The following ZNF254 variants were observed in gnomAD, a reference collection of about 807,000 sequenced individuals.
ZNF254 encodes zinc finger protein 254.
Under a neutral mutation model 12.4 loss-of-function variants are expected in ZNF254, and 10 were observed. That is an observed-to-expected ratio of 0.80 (90% confidence interval 0.50 to 1.36). The LOEUF (loss-of-function observed/expected upper bound fraction) is 1.36. ZNF254 is among the 40% of genes most tolerant of loss of function. ZNF254 has a pLI of 0.00. For synonymous variants in ZNF254, 305 were observed against 253.4 expected (o/e 1.20, Z -1.93); for missense variants, 996 against 763.9 (o/e 1.30, Z -3.58).
intron 1 of ZNF254, among the ~76,000 whole-genome samples, chr19:24,042,354 G>T (rs1417477395): frequency 6.6e-6 from 1 of 152,160 alleles, no homozygotes; most frequent in Non-Finnish European, 1.5e-5. Context: ...CCAGATAAGA[G>T]AATAAAAGCA....
intron 2 of ZNF254, among the ~76,000 whole-genome samples, chr19:24,069,472 T>G (rs965982974): frequency 6.7e-6 from 1 of 149,060 alleles, no homozygotes; most frequent in African/African-American, 2.5e-5. Context: ...CCAGGCGTGG[T>G]GGCGGGTGTC....
intron 3 of ZNF254, among the ~76,000 whole-genome samples, chr19:24,110,131 G>A (rs1436106843): frequency 6.6e-6 from 1 of 151,998 alleles, no homozygotes; most frequent in Non-Finnish European, 1.5e-5. Context: ...TATTTTCTTT[G>A]TGTGAGAAAA....
chr19:24,084,066 C>T (rs1971941550), upstream of ZNF254, among the ~76,000 whole-genome samples: 1 of 150,628 alleles, frequency 6.6e-6, no homozygotes, highest in African/African-American at 2.4e-5. Context: ...TTTGCAATTG[C>T]AAAAGAATGG....
chr19:24,077,045 C>G (rs1183401830), intron 2 of ZNF254, among the ~76,000 whole-genome samples: 2 of 152,304 alleles, frequency 1.3e-5, no homozygotes, highest in Middle Eastern at 6.8e-3. Flanking sequence ...GAGACAAATG[C>G]AGATCTGTTT....
chr19:24,059,709 C>T (rs1970998682), intron 2 of ZNF254, among the ~76,000 whole-genome samples: 1 of 152,188 alleles, frequency 6.6e-6, no homozygotes, highest in Non-Finnish European at 1.5e-5. Flanking sequence ...GATGATGTTT[C>T]TTTTCTTTCA....
rs1304110961 is a variant in ZNF254, at chr19:24,040,177, C to T, written c.-189-6007C>T. On this transcript the variant is annotated intron_variant, in intron 1 of 4. Transcript: ENST00000613065. The stretch of plus-strand genomic sequence containing the variant: ...AGGTCTGGCCCCACCCTGAAATCTC[C>T]CCTCACAGAACTAATTAGAACTAAT... 2.6e-5 allele frequency among the ~76,000 whole-genome samples: 4 copies of T among 152,134 alleles called. No individual in the cohort carries two copies. In the South Asian group the frequency reaches 8.3e-4, roughly 32 times the overall value.
intron 3 of ZNF254, among the ~76,000 whole-genome samples, chr19:24,113,558 C>A (rs533598805): frequency 1.2e-4 from 19 of 152,110 alleles, no homozygotes; most frequent in South Asian, 2.1e-4. Flanking sequence ...GCTATCTATG[C>A]CAAACCCACA....
chr19:24,127,600 A>G lies in ZNF254; in HGVS notation c.1600A>G (p.Thr534Ala), dbSNP rs754841747. 1.2e-6 allele frequency: 2 copies of G among 1,608,140 alleles called. No homozygotes were observed. The highest frequency in any genetic ancestry group is 2.3e-5 in the East Asian group (1 of 44,248). Residue 534 changes from threonine to alanine, a missense_variant, in exon 4 of 4, where the codon ACT becomes GCT. Coordinates refer to ENST00000357002, the MANE Select transcript of ZNF254 (RefSeq NM_203282.4). ...GKAFNWSSTL[T>A]KHKIIHTEEK... The stretch of plus-strand genomic sequence containing the variant: ...AGCCTTTAACTGGTCCTCAACTCTT[A>G]CTAAACATAAGATAATTCATACTGA...
At position 24,127,739 on chromosome 19, in the gene ZNF254, G is replaced by A. The variant is rs1002089714; in HGVS notation, c.1739G>A (p.Gly580Asp). The A allele has an allele frequency of 2.5e-6, 4 of 1,612,692 alleles. No homozygotes were observed. The highest frequency in any genetic ancestry group is 1.3e-5 in the African/African-American group (1 of 74,920). ...AAACCCTATAAATGTGAAGAATGTG[G>A]CAAATCTTTTAACCGGTCTTCAACT... ...GEKPYKCEEC[G>D]KSFNRSSTFT... Residue 580 changes from glycine (G) to aspartate (D), a missense_variant, in exon 4 of 4, where the codon GGC becomes GAC. Coordinates refer to ENST00000357002, the MANE Select transcript of ZNF254 (RefSeq NM_203282.4).
chr19:24,034,382 T>A (rs904276661), intron 1 of ZNF254, among the ~76,000 whole-genome samples: 5 of 151,870 alleles, frequency 3.3e-5, no homozygotes, highest in Non-Finnish European at 7.4e-5. Flanking sequence ...GCAGTTGGGG[T>A]TGGCACAAAA....
intron 2 of ZNF254, among the ~76,000 whole-genome samples, chr19:24,061,873 C>T (rs181662911): frequency 2.3e-4 from 35 of 152,168 alleles, no homozygotes; most frequent in Admixed American, 7.2e-4. Context: ...CACCTGATGT[C>T]GGGAGTTCAA....
chr19:24,112,406 T>A (rs1973742691), intron 3 of ZNF254, among the ~76,000 whole-genome samples: 1 of 146,826 alleles, frequency 6.8e-6, no homozygotes, highest in South Asian at 2.1e-4. Flanking sequence ...TTTGTTCTTT[T>A]GGCTTAGGAG....
At chr19:24,034,522 G>C (rs1183301904) in intron 1 of ZNF254, among the ~76,000 whole-genome samples, 3 of 119,218 alleles carry the variant, frequency 2.5e-5, no homozygotes, top group Non-Finnish European at 4.9e-5. Context: ...TTTTGTGCCA[G>C]AGTCTCATTC....
Position 24,046,373 on chromosome 19 carries a change from T to TTTTATATATATATATA in ZNF254, c.-94+95_-94+96insTTATATATATATATAT, listed in dbSNP as rs1555750840. ...TTGTCTTCCATTATTTTATTATTTT[T>TTTTATATATATATATA]TATATATATATATATATATATATAT... On this transcript the variant is annotated intron_variant, in intron 2 of 4. Coordinates refer to the ZNF254 transcript ENST00000613065. The TTTTATATATATATATA allele has an allele frequency of 1.9e-4, 18 of 95,490 alleles. No homozygotes were observed. In the South Asian group the frequency reaches 2.0e-3, roughly 11 times the overall value. The allele number at this position is 95,490 out of a possible 1,614,324, so 5.9% of individuals were successfully genotyped here.
intron 2 of ZNF254, among the ~76,000 whole-genome samples, chr19:24,055,512 C>T (rs539721200): frequency 6.6e-6 from 1 of 152,084 alleles, no homozygotes; most frequent in Admixed American, 6.6e-5. Context: ...CTCCTGACCT[C>T]GTGATCCACC....
rs117033235 is a variant in ZNF254, at chr19:24,095,241, T to G, written c.30+7904T>G. 2.9e-3 allele frequency among the ~76,000 whole-genome samples: 440 copies of G among 152,350 alleles called. 13 individuals are homozygous for G. The East Asian group carries it at 0.076, about 26-fold the overall frequency. ...CTTACATTCCCAGAATAAATTCTACTTGATCATACTGGGTTAGCTTTTTGA... is the reference window on the plus strand; with the variant it reads ...CTTACATTCCCAGAATAAATTCTACGTGATCATACTGGGTTAGCTTTTTGA... On this transcript the variant is annotated intron_variant, in intron 1 of 3. Coordinates refer to ENST00000357002, the MANE Select transcript of ZNF254 (RefSeq NM_203282.4).
At chr19:24,112,576 C>T (rs544768604) in intron 3 of ZNF254, among the ~76,000 whole-genome samples, 48 of 150,508 alleles carry the variant, frequency 3.2e-4, no homozygotes, top group African/African-American at 1.0e-3. Flanking sequence ...TTCTTCCTAC[C>T]CATGAGCATG....
At chr19:24,048,100 G>T (rs1970476186) in intron 2 of ZNF254, among the ~76,000 whole-genome samples, 1 of 146,760 alleles carries the variant, frequency 6.8e-6, no homozygotes, top group African/African-American at 2.6e-5. Flanking sequence ...ACAGCTTTGG[G>T]CGCGAGCTCC....
intron 1 of ZNF254, among the ~76,000 whole-genome samples, chr19:24,038,184 A>G (rs777787574): frequency 6.6e-6 from 1 of 152,238 alleles, no homozygotes; most frequent in Non-Finnish European, 1.5e-5. Context: ...AAATGTAAAT[A>G]GCAAAGAAAA....
Sources: gnomAD v4.1 joint callset for allele counts (sites outside exome capture counted in the v4.1 genomes callset) on GRCh38, gnomAD v4.1.1 for gene constraint, MANE v1.5 for transcripts, NCBI Gene and HGNC (gene_info 2026-07-23, HGNC 2026-07-21) for gene names.